RNF111: variants seen among roughly 807,000 people sequenced by gnomAD.
RNF111 encodes ring finger protein 111.
Under a neutral mutation model 95.1 loss-of-function variants are expected in RNF111, and 17 were observed. The ratio of observed to expected loss-of-function variants is 0.18; its 90% CI spans 0.12 to 0.27. The LOEUF (loss-of-function observed/expected upper bound fraction) is 0.27. Among genes scored for constraint, RNF111 ranks in the 10% least tolerant of loss-of-function variants. The probability of loss-of-function intolerance (pLI) is 1.00; values close to 1 mark genes in which losing one functional copy is unlikely to be tolerated. For missense variants in RNF111, 1,189 were observed against 1,210.4 expected (o/e 0.98, Z 0.26); for synonymous variants, 440 against 414.8 (o/e 1.06, Z -0.74).
chr15:59,093,334 C>G, intron 13 of RNF111: 1 of 400,958 alleles, frequency 2.5e-6, no homozygotes, highest in South Asian at 1.8e-5. Context: ...TGTTTTACAG[C>G]ATCTTTTTTT....
rs534092151 is a variant in RNF111 at position 59,065,410 on chromosome 15, C to T, written c.1367-1354C>T. Among the ~76,000 whole-genome samples the T allele has an allele frequency of 8.5e-5, 13 of 152,220 alleles. No individual in the cohort carries two copies. In the South Asian group the frequency reaches 1.7e-3, roughly 19 times the overall value. On this transcript the variant is annotated intron_variant, in intron 5 of 13. Transcript: ENST00000348370. ...ACCTTCAAAATAACTGGGCATGTGG[C>T]GGAGAGCATAATCAGGACTCATGTG... is the stretch of plus-strand genomic sequence containing the variant.
chr15:59,057,930 C>T (rs2042264521), intron 4 of RNF111, among the ~76,000 whole-genome samples: 1 of 152,144 alleles, frequency 6.6e-6, no homozygotes, highest in Non-Finnish European at 1.5e-5. Context: ...ATCAGTATTG[C>T]TATCCAGGCA....
At chr15:59,052,219 TG>T in intron 2 of RNF111, 85 bp from the exon 3 acceptor site, 1 of 1,185,362 alleles carries the variant, frequency 8.4e-7, no homozygotes, top group Non-Finnish European at 1.1e-6. Context: ...ATGAATTTCA[TG>T]GTCTTCAAAG....
chr15:59,055,971 T>C, intron 4 of RNF111, 126 bp downstream of exon 4: 1 of 729,622 alleles, frequency 1.4e-6, no homozygotes, highest in Non-Finnish European at 2.0e-6. Flanking sequence ...ATTGTCAGAT[T>C]TTTTAATCTC....
intron 2 of RNF111, among the ~76,000 whole-genome samples, chr15:59,035,515 A>G (rs568654586): frequency 6.6e-6 from 1 of 152,300 alleles, no homozygotes; most frequent in East Asian, 1.9e-4. Context: ...ATTCCACATA[A>G]CTTATGCAAA....
Position 59,091,115 on chromosome 15 carries a change from G to A in RNF111, c.2700G>A (p.Gly900=), listed in dbSNP as rs1228828517. The change falls in exon 12 of 14, where the codon GGG becomes GGA. Residue 900 remains glycine, a synonymous_variant. Coordinates refer to ENST00000348370, the MANE Select transcript of RNF111 (RefSeq NM_017610.8). The stretch of plus-strand genomic sequence containing the variant: ...ATGTCAATCGTGGAGCATCCCAGGG[G>A]ACAATTGAAAGATGTACATATCCAC... ...LGNVNRGASQ[G]TIERCTYPHK... The A allele has an allele frequency of 6.2e-7, 1 of 1,609,718 alleles. No homozygotes were observed. The highest frequency in any genetic ancestry group is 8.5e-7 in the Non-Finnish European group (1 of 1,176,988).
chr15:59,053,618 C>G (rs963123031), intron 3 of RNF111, among the ~76,000 whole-genome samples: 1 of 152,140 alleles, frequency 6.6e-6, no homozygotes, highest in Non-Finnish European at 1.5e-5. Flanking sequence ...ATTATTTTCC[C>G]CAACTCTGAG....
chr15:59,046,094 A>G (rs2041694354), intron 2 of RNF111, among the ~76,000 whole-genome samples: 2 of 152,120 alleles, frequency 1.3e-5, no homozygotes, highest in Admixed American at 6.6e-5. Flanking sequence ...TATAAATACA[A>G]TATTATTAAG....
At position 59,081,102 on chromosome 15, in the gene RNF111, G is replaced by A; in HGVS notation, c.2115G>A (p.Val705=). Residue 705 remains valine (V), a synonymous_variant, in exon 8 of 14, where the codon GTG becomes GTA. Coordinates refer to ENST00000348370, the MANE Select transcript of RNF111 (RefSeq NM_017610.8). ...CTTCTCATGCAACATCTCATCCTGTGGCACCCCCACCACCAACTCACTTAG... is the reference window on the plus strand; with the variant it reads ...CTTCTCATGCAACATCTCATCCTGTAGCACCCCCACCACCAACTCACTTAG... The part of the protein sequence containing the change: ...QISSHATSHP[V]APPPPTHLAS... 1.2e-6 allele frequency: 2 copies of A among 1,613,920 alleles called. No homozygotes were observed. The highest frequency in any genetic ancestry group is 8.5e-7 in the Non-Finnish European group (1 of 1,179,992).
intron 10 of RNF111, among the ~76,000 whole-genome samples, chr15:59,087,425 A>G (rs2078929985): frequency 1.3e-5 from 2 of 152,346 alleles, no homozygotes; most frequent in Admixed American, 6.5e-5. Flanking sequence ...CGAAAATCAG[A>G]GTATAACTTT....
At chr15:59,051,979 A>G (rs2042007918) in intron 2 of RNF111, among the ~76,000 whole-genome samples, 1 of 152,136 alleles carries the variant, frequency 6.6e-6, no homozygotes, top group South Asian at 2.1e-4. Context: ...CTTATACAAG[A>G]TCTATAATAT....
intron 13 of RNF111, among the ~76,000 whole-genome samples, 169 bp downstream of exon 13, chr15:59,092,809 C>T (rs2079088736): frequency 6.6e-6 from 1 of 152,110 alleles, no homozygotes; most frequent in Admixed American, 6.5e-5. Context: ...ACCTGGGCAA[C>T]ATAACAAGAC....
chr15:59,058,896 A>G (rs1314285329), intron 5 of RNF111, among the ~76,000 whole-genome samples: 1 of 152,224 alleles, frequency 6.6e-6, no homozygotes, highest in Non-Finnish European at 1.5e-5. Flanking sequence ...ACAGTGAAAG[A>G]CAGCCTACAG....
chr15:59,053,150 T>C (rs1397875113), intron 3 of RNF111, among the ~76,000 whole-genome samples: 3 of 152,238 alleles, frequency 2.0e-5, no homozygotes, highest in Non-Finnish European at 4.4e-5. Flanking sequence ...TGATTCTTTT[T>C]CCTTCACTCA....
intron 1 of RNF111, among the ~76,000 whole-genome samples, chr15:59,004,516 G>A (rs1431361967): frequency 6.6e-6 from 1 of 152,112 alleles, no homozygotes; most frequent in African/African-American, 2.4e-5. Context: ...ACCATAAAAG[G>A]TTTGTTAAAT....
At chr15:59,027,842 T>A (rs1403631427) in intron 1 of RNF111, among the ~76,000 whole-genome samples, 2 of 150,850 alleles carry the variant, frequency 1.3e-5, no homozygotes, top group African/African-American at 4.9e-5. Flanking sequence ...CCACCTTTTT[T>A]TTTTTTTTTC....
At chr15:58,992,827 A>G (rs772907398) in intron 1 of RNF111, among the ~76,000 whole-genome samples, 6 of 152,104 alleles carry the variant, frequency 3.9e-5, no homozygotes, top group Admixed American at 6.6e-5. Flanking sequence ...CTCAAAATAA[A>G]TAAGTAAATG....
chr15:59,061,902 C>T (rs1417175827), intron 5 of RNF111, among the ~76,000 whole-genome samples: 2 of 152,070 alleles, frequency 1.3e-5, no homozygotes, highest in African/African-American at 4.8e-5. Context: ...ACAATTGTCT[C>T]CTTTTCATAA....
At chr15:59,089,602 A>T in intron 10 of RNF111, 65 bp from the exon 11 acceptor site, 1 of 1,242,236 alleles carries the variant, frequency 8.1e-7, no homozygotes, top group Non-Finnish European at 1.2e-6. Context: ...GAATTATTCA[A>T]TGTTAACAGT....
Sources: gnomAD v4.1 joint callset for allele counts (sites outside exome capture counted in the v4.1 genomes callset) on GRCh38, gnomAD v4.1.1 for gene constraint, MANE v1.5 for transcripts, NCBI Gene and HGNC (gene_info 2026-07-23, HGNC 2026-07-21) for gene names.